The following PCDHA8 variants were observed in gnomAD, a reference collection of about 807,000 sequenced individuals.
PCDHA8 encodes protocadherin alpha-8.
Under a neutral mutation model 61.8 loss-of-function variants are expected in PCDHA8, and 53 were observed. The ratio of observed to expected loss-of-function variants is 0.86; its 90% CI spans 0.69 to 1.08. The LOEUF (loss-of-function observed/expected upper bound fraction) is 1.08, where lower values mean the gene tolerates loss of function less well. Ranked by LOEUF, PCDHA8 falls within the 50% of genes least tolerant of loss-of-function variation. PCDHA8 has a pLI of 0.00. For missense variants in PCDHA8, 1,293 were observed against 1,245.0 expected, an observed-to-expected ratio of 1.04 and a Z score of -0.58; for synonymous variants, 618 against 556.6, an observed-to-expected ratio of 1.11 and a Z score of -1.55.
rs142468733 is a variant in PCDHA8 at position 140,884,535 on chromosome 5, C to G, written c.2394+40820C>G. 4,368 of 1,614,034 alleles carry G rather than the reference C, an allele frequency of 2.7e-3. 82 individuals are homozygous for G. The South Asian group carries it at 0.038, about 14-fold the overall frequency. On this transcript the variant is annotated intron_variant, in intron 1 of 3. Coordinates refer to ENST00000531613, the MANE Select transcript of PCDHA8 (RefSeq NM_018911.3). ...TGGTCGTACTCGCAGCAGAGGCGGC[C>G]GAGGGTGTGCTCTGGGGAGGGCCCG...
chr5:140,958,066 C>T (rs782243559), intron 1 of PCDHA8, among the ~76,000 whole-genome samples: 2 of 151,900 alleles, frequency 1.3e-5, no homozygotes, highest in African/African-American at 4.8e-5. Context: ...AGAAAAAACA[C>T]AGAAGCAAAA....
chr5:140,878,318 C>T (rs2057536608), intron 1 of PCDHA8, among the ~76,000 whole-genome samples: 1 of 152,176 alleles, frequency 6.6e-6, no homozygotes, highest in African/African-American at 2.4e-5. Context: ...TAGACATTTT[C>T]ACATTATATT....
intron 1 of PCDHA8, among the ~76,000 whole-genome samples, chr5:140,881,114 T>A (rs2058590741): frequency 6.6e-6 from 1 of 152,204 alleles, no homozygotes; most frequent in Admixed American, 6.5e-5. Context: ...GGCCTGGGAT[T>A]TTGTGGCTTG....
chr5:140,929,162 G>T (rs2153599635), intron 1 of PCDHA8: 4 of 1,614,060 alleles, frequency 2.5e-6, no homozygotes, highest in Non-Finnish European at 3.4e-6. Context: ...TATCTCTATC[G>T]GGCCTCTCTG....
At chr5:140,995,317 C>T (rs1554254587) in intron 3 of PCDHA8, among the ~76,000 whole-genome samples, 1 of 152,118 alleles carries the variant, frequency 6.6e-6, no homozygotes, top group Non-Finnish European at 1.5e-5. Flanking sequence ...TCTAAGTGAA[C>T]TAACAGGTGA....
chr5:140,985,471 G>A (rs926791157), intron 3 of PCDHA8, among the ~76,000 whole-genome samples: 4 of 152,148 alleles, frequency 2.6e-5, no homozygotes, highest in African/African-American at 9.7e-5. Flanking sequence ...AAAAAATTTG[G>A]TTGTTTCCAG....
chr5:140,994,911 A>C (rs527704488), intron 3 of PCDHA8, among the ~76,000 whole-genome samples: 4 of 152,222 alleles, frequency 2.6e-5, no homozygotes, highest in African/African-American at 9.6e-5. Flanking sequence ...TGTAGACTGG[A>C]ATCAGATTTT....
intron 1 of PCDHA8, among the ~76,000 whole-genome samples, chr5:140,947,165 T>C (rs1034105702): frequency 6.6e-6 from 1 of 151,228 alleles, no homozygotes. Context: ...GGGTAGAAAA[T>C]GTGGTATATA....
chr5:140,853,444 A>G, intron 1 of PCDHA8: 1 of 982,390 alleles, frequency 1.0e-6, no homozygotes, highest in Non-Finnish European at 1.2e-6. Context: ...TATTTTGCCT[A>G]ATAGGTCTCC....
At position 140,855,161 on chromosome 5, in the gene PCDHA8, C is replaced by T. The variant is rs1469242390; in HGVS notation, c.2394+11446C>T. On this transcript the variant is annotated intron_variant, in intron 1 of 3. Coordinates refer to ENST00000531613, the MANE Select transcript of PCDHA8 (RefSeq NM_018911.3). ...TGATGAGCCAAATTTGGTATTGAGC[C>T]TCATGAAAACAAATGTGGCCAAATT... Among the ~76,000 whole-genome samples, 4 of 149,656 alleles carry T rather than the reference C, an allele frequency of 2.7e-5. 1 individual carries two copies. Among genetic ancestry groups the T allele is most frequent in the African/African-American group, 9.8e-5 (4 of 40,822 alleles).
chr5:140,849,637 C>A lies in PCDHA8; in HGVS notation c.2394+5922C>A, dbSNP rs1581190048. ...AGTGTGATCGACCTAGACGCAGATG[C>A]CAACGGGCAGGTTACCTGCTCCCTG... On this transcript the variant is annotated intron_variant, in intron 1 of 3. Coordinates refer to ENST00000531613, the MANE Select transcript of PCDHA8 (RefSeq NM_018911.3). 4 of 1,598,688 alleles carry A rather than the reference C, an allele frequency of 2.5e-6. No homozygotes were observed. In the East Asian group the frequency reaches 8.9e-5, roughly 36 times the overall value.
At chr5:140,886,107 G>T (rs1340579685) in intron 1 of PCDHA8, among the ~76,000 whole-genome samples, 2 of 152,142 alleles carry the variant, frequency 1.3e-5, no homozygotes, top group Non-Finnish European at 2.9e-5. Flanking sequence ...ATACAGTAAA[G>T]AAGTAACATA....
intron 1 of PCDHA8, among the ~76,000 whole-genome samples, chr5:140,896,511 C>T (rs1344026446): frequency 6.6e-6 from 1 of 151,744 alleles, no homozygotes; most frequent in Non-Finnish European, 1.5e-5. Context: ...TGTGCAGGCA[C>T]ACACCACAAA....
intron 1 of PCDHA8, chr5:140,968,651 GA>G: frequency 6.2e-7 from 1 of 1,614,154 alleles, no homozygotes; most frequent in Non-Finnish European, 8.5e-7. Flanking sequence ...CCAGACTTCT[GA>G]CCTGGACCTC....
intron 1 of PCDHA8, among the ~76,000 whole-genome samples, chr5:140,872,551 C>T (rs574173970): frequency 6.6e-6 from 1 of 152,178 alleles, no homozygotes; most frequent in East Asian, 1.9e-4. Flanking sequence ...CCCCTGAACC[C>T]AGGGGTTCAG....
At chr5:140,977,816 T>C (rs2096776197) in intron 1 of PCDHA8, among the ~76,000 whole-genome samples, 1 of 152,190 alleles carries the variant, frequency 6.6e-6, no homozygotes, top group Non-Finnish European at 1.5e-5. Flanking sequence ...TTATTGACAG[T>C]TTTGAATGGT....
intron 1 of PCDHA8, among the ~76,000 whole-genome samples, chr5:140,915,224 G>C (rs2077030896): frequency 6.6e-6 from 1 of 152,144 alleles, no homozygotes; most frequent in African/African-American, 2.4e-5. Context: ...TGGGATTACA[G>C]GCATGAGCCA....
chr5:140,894,571 T>A (rs782019282), intron 1 of PCDHA8, among the ~76,000 whole-genome samples: 5 of 151,906 alleles, frequency 3.3e-5, no homozygotes, highest in Non-Finnish European at 5.9e-5. Context: ...TTATTTTCCT[T>A]TTTTTTAATA....
At chr5:140,911,709 G>A (rs1029382331) in intron 1 of PCDHA8, among the ~76,000 whole-genome samples, 1 of 151,822 alleles carries the variant, frequency 6.6e-6, no homozygotes, top group Non-Finnish European at 1.5e-5. Context: ...AATTTATTTT[G>A]TGTAACTCTG....
Sources: gnomAD v4.1 joint callset for allele counts (sites outside exome capture counted in the v4.1 genomes callset) on GRCh38, gnomAD v4.1.1 for gene constraint, MANE v1.5 for transcripts, NCBI Gene and HGNC (gene_info 2026-07-23, HGNC 2026-07-21) for gene names.